CRYBG3: variants seen among roughly 807,000 people sequenced by gnomAD.
CRYBG3 encodes the protein very large A-kinase anchor protein.
Under a neutral mutation model 244.2 loss-of-function variants are expected in CRYBG3, and 127 were observed. The observed-to-expected ratio is 0.52, with a 90% CI of 0.45 to 0.60. CRYBG3 has a LOEUF of 0.60. Among genes scored for constraint, CRYBG3 ranks in the 20% least tolerant of loss-of-function variants. The pLI, the probability that CRYBG3 is intolerant of heterozygous loss-of-function variation, is 0.00. For missense variants in CRYBG3, 3,325 were observed against 3,442.5 expected, an observed-to-expected ratio of 0.97 and a Z score of 0.85; for synonymous variants, 1,132 against 1,195.8, an observed-to-expected ratio of 0.95 and a Z score of 1.10.
At chr3:97,911,432 T>A (rs1347664461) in intron 15 of CRYBG3, among the ~76,000 whole-genome samples, 2 of 152,224 alleles carry the variant, frequency 1.3e-5, no homozygotes, top group Non-Finnish European at 2.9e-5. Flanking sequence ...GGAATTATAG[T>A]TGAGATTTCA....
At chr3:97,888,524 T>C (rs1285469164) in intron 9 of CRYBG3, 69 bp downstream of exon 9, 18 of 981,870 alleles carry the variant, frequency 1.8e-5, no homozygotes. Flanking sequence ...ATAACCATGA[T>C]GTTTGCTCAT....
At chr3:97,908,313 A>T (rs371266505) in intron 15 of CRYBG3, among the ~76,000 whole-genome samples, 9 of 152,102 alleles carry the variant, frequency 5.9e-5, no homozygotes, top group South Asian at 2.1e-4. Flanking sequence ...GTTGACTTTC[A>T]GTCTCGTTGA....
At position 97,915,594 on chromosome 3, in the gene CRYBG3, A is replaced by G. The variant is rs368556082; in HGVS notation, c.8115-16A>G. 6.2e-7 allele frequency: 1 copy of G among 1,605,508 alleles called. No individual in the cohort carries two copies. The highest frequency in any genetic ancestry group is 1.3e-5 in the African/African-American group (1 of 74,688). ...TGAATGCAATTTGATTGAATGTCTT[A>G]CTGCTTGGCTTTTAGCTGGCTCCTC... is the stretch of plus-strand genomic sequence containing the variant. On this transcript the variant is annotated splice_polypyrimidine_tract_variant and intron_variant, in intron 16 of 21. Transcript: ENST00000389622.
intron 15 of CRYBG3, among the ~76,000 whole-genome samples, chr3:97,902,635 T>C (rs895425565): frequency 5.9e-5 from 9 of 152,214 alleles, no homozygotes; most frequent in South Asian, 2.1e-4. Context: ...AATCCTGGTG[T>C]GTGTTGTTCC....
chr3:97,829,640 T>C (rs1010903763), intron 1 of CRYBG3, among the ~76,000 whole-genome samples: 1 of 152,254 alleles, frequency 6.6e-6, no homozygotes, highest in African/African-American at 2.4e-5. Flanking sequence ...TTCCATGTGA[T>C]CCTAACATTT....
At chr3:97,922,161 A>T (rs2039991287) in intron 17 of CRYBG3, among the ~76,000 whole-genome samples, 1 of 152,180 alleles carries the variant, frequency 6.6e-6, no homozygotes, top group African/African-American at 2.4e-5. Context: ...GAATGAGTTT[A>T]TAAAGTGTAG....
At chr3:97,903,924 T>C (rs1199348874) in intron 15 of CRYBG3, among the ~76,000 whole-genome samples, 2 of 152,280 alleles carry the variant, frequency 1.3e-5, no homozygotes, top group East Asian at 1.9e-4. Flanking sequence ...CTGTTAGGGA[T>C]TGAGCCGTAC....
chr3:97,834,120 A>G (rs558545643), intron 1 of CRYBG3, among the ~76,000 whole-genome samples: 16 of 152,224 alleles, frequency 1.1e-4, no homozygotes, highest in African/African-American at 3.9e-4. Flanking sequence ...TGGGGGTTGA[A>G]TTTCAACATG....
At chr3:97,914,791 GCATTTCTACGGTTTTC>G (rs1374391737) in intron 16 of CRYBG3, among the ~76,000 whole-genome samples, 1 of 152,122 alleles carries the variant, frequency 6.6e-6, no homozygotes, top group Non-Finnish European at 1.5e-5. Context: ...ATGTCACACA[GCATTTCTACGGTTTTC>G]CAAAGTTAAA....
At position 97,874,364 on chromosome 3, in the gene CRYBG3, T is replaced by C; in HGVS notation, c.3170T>C (p.Ile1057Thr). ...AACATCCATTTTTTAAATGGTGGTA[T>C]TGATAGTGTGTCATCTTCCTCTAGT... ...KENIHFLNGGIDSVSSSSSYP... is the reference protein window; with the variant it reads ...KENIHFLNGGTDSVSSSSSYP... Residue 1057 changes from isoleucine to threonine, a missense_variant, in exon 4 of 22, where the codon ATT (isoleucine) becomes ACT (threonine). Ile to Thr is a moderately conservative substitution (Grantham distance 89, BLOSUM62 -1). Around this residue, in one of 4 missense-constraint regions of CRYBG3, gnomAD observed 1,526 missense variants for 1,443.2 expected, o/e 1.06. Transcript: ENST00000389622. 6.5e-7 allele frequency: 1 copy of C among 1,529,866 alleles called. No individual in the cohort carries two copies. The highest frequency in any genetic ancestry group is 8.7e-7 in the Non-Finnish European group (1 of 1,145,188). The allele number at this position is 1,529,866 out of a possible 1,614,324, so 94.8% of individuals were successfully genotyped here.
chr3:97,858,158 T>C (rs1342642399), intron 2 of CRYBG3, among the ~76,000 whole-genome samples: 1 of 108,156 alleles, frequency 9.2e-6, no homozygotes, highest in African/African-American at 3.4e-5. Flanking sequence ...GGTATGTTTT[T>C]AGTTGAGTTT....
intron 17 of CRYBG3, among the ~76,000 whole-genome samples, chr3:97,929,016 T>G (rs1287471755): frequency 3.3e-5 from 5 of 152,064 alleles, no homozygotes; most frequent in Non-Finnish European, 7.4e-5. Flanking sequence ...GTTGATGGGA[T>G]GAGGAGGAAC....
chr3:97,857,298 G>A lies in CRYBG3; in HGVS notation c.217-6919G>A, dbSNP rs151313856. 6.8e-3 allele frequency among the ~76,000 whole-genome samples: 1,028 copies of A among 151,972 alleles called. 5 individuals carry two copies. The highest frequency in any genetic ancestry group is 0.02 in the Middle Eastern group (6 of 294). On this transcript the variant is annotated intron_variant, in intron 2 of 21. Coordinates refer to ENST00000389622, the MANE Select transcript of CRYBG3 (RefSeq NM_153605.4). ...CTTAATTTGTGGCCTGAAATATGAT[G>A]TGTTCTGAAGAATATTCCATTTGCT... is the stretch of plus-strand genomic sequence containing the variant.
At chr3:97,827,252 TC>T (rs2038590515) in intron 1 of CRYBG3, among the ~76,000 whole-genome samples, 4 of 152,130 alleles carry the variant, frequency 2.6e-5, no homozygotes, top group Admixed American at 2.6e-4. Flanking sequence ...CATCTTTGCG[TC>T]CCCTTAGTTC....
At chr3:97,845,323 G>A (rs1385039559) in intron 2 of CRYBG3, among the ~76,000 whole-genome samples, 1 of 152,098 alleles carries the variant, frequency 6.6e-6, no homozygotes, top group South Asian at 2.1e-4. Flanking sequence ...AAAATTAACT[G>A]TATTTTTAAA....
At chr3:97,939,309 G>C (rs893356829) in intron 19 of CRYBG3, among the ~76,000 whole-genome samples, 4 of 151,734 alleles carry the variant, frequency 2.6e-5, no homozygotes, top group Admixed American at 6.6e-5. Context: ...TTTTCCTTTT[G>C]TTTATTTAGG....
intron 7 of CRYBG3, among the ~76,000 whole-genome samples, chr3:97,885,593 G>A (rs1338662434): frequency 1.3e-5 from 2 of 152,100 alleles, no homozygotes; most frequent in Non-Finnish European, 2.9e-5. Context: ...TTTTGAGTTA[G>A]AACTTGACTA....
At chr3:97,920,620 C>T (rs1320866200) in intron 17 of CRYBG3, among the ~76,000 whole-genome samples, 2 of 152,102 alleles carry the variant, frequency 1.3e-5, no homozygotes, top group Non-Finnish European at 2.9e-5. Context: ...ACCTCCGCCT[C>T]CCAAGTTCAA....
At chr3:97,858,255 C>G (rs2039094434) in intron 2 of CRYBG3, among the ~76,000 whole-genome samples, 1 of 148,276 alleles carries the variant, frequency 6.7e-6, no homozygotes, top group Admixed American at 6.7e-5. Context: ...TGCTGTTATT[C>G]TAATGGAGAT....
Sources: allele counts gnomAD v4.1 joint callset (sites outside exome capture counted in the v4.1 genomes callset), GRCh38; gene constraint gnomAD v4.1.1; regional missense constraint gnomAD v4.1.1; transcripts MANE v1.5; gene names NCBI Gene and HGNC (gene_info 2026-07-23, HGNC 2026-07-21).